The following WWOX variants were observed in gnomAD, a reference collection of about 807,000 sequenced individuals.
The protein encoded by WWOX is WW domain-containing oxidoreductase.
Under a neutral mutation model 46.2 loss-of-function variants are expected in WWOX, and 69 were observed. That is an observed-to-expected ratio of 1.49 (90% CI 1.23 to 1.82). WWOX has a LOEUF of 1.82. Among genes scored for constraint, WWOX ranks in the 40% most tolerant of loss-of-function variants. WWOX has a pLI of 0.00. For missense variants in WWOX, 919 were observed against 542.6 expected (o/e 1.69, Z -6.89); for synonymous variants, 359 against 202.6 (o/e 1.77, Z -6.56).
chr16:78,582,667 A>G lies in WWOX; in HGVS notation c.1056+149915A>G, dbSNP rs567820556. On this transcript the variant is annotated intron_variant, in intron 8 of 8. Coordinates refer to ENST00000566780, the MANE Select transcript of WWOX (RefSeq NM_016373.4). ...CCGATACCTCTATCTCCGCTTAGTC[A>G]TTCCTGGTGGGTGACTGATGACCCC... 9.2e-5 allele frequency among the ~76,000 whole-genome samples: 14 copies of G among 152,300 alleles called. No individual in the cohort carries two copies. In the South Asian group the frequency reaches 2.9e-3, roughly 32 times the overall value.
intron 5 of WWOX, among the ~76,000 whole-genome samples, chr16:78,236,908 C>G (rs776309645): frequency 6.6e-6 from 1 of 151,902 alleles, no homozygotes; most frequent in Non-Finnish European, 1.5e-5. Flanking sequence ...AACCCTATCT[C>G]TACTAAAAAT....
intron 8 of WWOX, among the ~76,000 whole-genome samples, chr16:78,795,674 A>G (rs956598300): frequency 6.6e-6 from 1 of 152,142 alleles, no homozygotes; most frequent in Non-Finnish European, 1.5e-5. Flanking sequence ...ATTAACATAC[A>G]CAGTCAGCAT....
intron 4 of WWOX, among the ~76,000 whole-genome samples, chr16:78,121,835 G>A (rs949807744): frequency 6.6e-6 from 1 of 151,884 alleles, no homozygotes; most frequent in Non-Finnish European, 1.5e-5. Context: ...CTAATTTTAT[G>A]TTTTTAGTAG....
intron 8 of WWOX, among the ~76,000 whole-genome samples, chr16:78,536,921 T>C (rs957439962): frequency 2.2e-4 from 30 of 136,708 alleles, no homozygotes; most frequent in South Asian, 5.1e-4. Flanking sequence ...TTTTTTTTTT[T>C]CCTCCTTTTT....
intron 8 of WWOX, among the ~76,000 whole-genome samples, chr16:78,986,268 C>T (rs1337032458): frequency 7.9e-5 from 12 of 152,140 alleles, no homozygotes; most frequent in Admixed American, 3.9e-4. Flanking sequence ...ATCAGTTTTA[C>T]AAAGATGCCA....
intron 5 of WWOX, among the ~76,000 whole-genome samples, chr16:78,234,013 C>G (rs998868944): frequency 6.6e-6 from 1 of 152,266 alleles, no homozygotes; most frequent in African/African-American, 2.4e-5. Context: ...GTGTTCCTAA[C>G]ATTCTAAGCC....
intron 8 of WWOX, among the ~76,000 whole-genome samples, chr16:78,939,659 T>C (rs541245345): frequency 2.0e-5 from 3 of 152,374 alleles, no homozygotes; most frequent in East Asian, 3.9e-4. Context: ...TATTAAAAAT[T>C]ATCAAAAGGA....
intron 8 of WWOX, among the ~76,000 whole-genome samples, chr16:79,091,451 C>T (rs879730625): frequency 6.6e-6 from 1 of 152,106 alleles, no homozygotes; most frequent in African/African-American, 2.4e-5. Context: ...GGTGTTCATT[C>T]TACCCAATTT....
chr16:78,593,131 A>C (rs184379575), intron 8 of WWOX, among the ~76,000 whole-genome samples: 2 of 152,150 alleles, frequency 1.3e-5, no homozygotes, highest in Non-Finnish European at 2.9e-5. Context: ...GTGCCAAACC[A>C]GGTGTCATTG....
intron 8 of WWOX, among the ~76,000 whole-genome samples, chr16:79,193,026 G>A (rs1282760355): frequency 1.3e-5 from 2 of 152,222 alleles, no homozygotes; most frequent in Non-Finnish European, 2.9e-5. Flanking sequence ...AGAAGTTTGT[G>A]TCCATGGCTG....
intron 8 of WWOX, among the ~76,000 whole-genome samples, chr16:78,887,075 GTGGTGTGTGT>G (rs2044475385): frequency 4.8e-5 from 1 of 20,896 alleles, no homozygotes; most frequent in Non-Finnish European, 2.3e-4. Flanking sequence ...GTGTGTGTGT[GTGGTGTGTGT>G]GTGTGTGTGT....
intron 4 of WWOX, among the ~76,000 whole-genome samples, chr16:78,157,851 T>G (rs1294545323): frequency 6.6e-6 from 1 of 152,208 alleles, no homozygotes; most frequent in Non-Finnish European, 1.5e-5. Context: ...TGTGCTGGAT[T>G]TGGTAGGTCG....
At chr16:78,765,907 C>A (rs970559852) in intron 8 of WWOX, among the ~76,000 whole-genome samples, 3 of 152,162 alleles carry the variant, frequency 2.0e-5, no homozygotes, top group Non-Finnish European at 4.4e-5. Flanking sequence ...TACGTGGCTT[C>A]CATGCCCATT....
At chr16:78,841,506 A>G (rs1368552829) in intron 8 of WWOX, among the ~76,000 whole-genome samples, 2 of 152,208 alleles carry the variant, frequency 1.3e-5, no homozygotes, top group Non-Finnish European at 2.9e-5. Context: ...ACTAATAAGG[A>G]TGATTGTTTT....
At chr16:78,917,028 G>T (rs902099661) in intron 8 of WWOX, among the ~76,000 whole-genome samples, 3 of 151,942 alleles carry the variant, frequency 2.0e-5, no homozygotes, top group African/African-American at 7.3e-5. Context: ...TCACTCCTTG[G>T]GTCTTATGAC....
intron 8 of WWOX, among the ~76,000 whole-genome samples, chr16:78,977,188 A>G (rs951946081): frequency 2.6e-5 from 4 of 152,150 alleles, no homozygotes; most frequent in Non-Finnish European, 5.9e-5. Flanking sequence ...TTTGTTTTGA[A>G]CCACTTATTT....
intron 8 of WWOX, among the ~76,000 whole-genome samples, chr16:78,824,141 C>A (rs367745986): frequency 6.6e-6 from 1 of 151,954 alleles, no homozygotes; most frequent in African/African-American, 2.4e-5. Flanking sequence ...TTTTAAAAAT[C>A]TATTTGATTT....
intron 8 of WWOX, among the ~76,000 whole-genome samples, chr16:78,694,087 C>G (rs539970639): frequency 2.0e-5 from 3 of 152,040 alleles, no homozygotes; most frequent in Non-Finnish European, 4.4e-5. Context: ...TAAAAATTAC[C>G]TAGGCGTGGT....
At chr16:78,794,374 T>C (rs754854142) in intron 8 of WWOX, among the ~76,000 whole-genome samples, 11 of 152,186 alleles carry the variant, frequency 7.2e-5, no homozygotes, top group Non-Finnish European at 1.3e-4. Flanking sequence ...AGCTGCCTTA[T>C]TTGTAACAAA....
Sources: allele counts gnomAD v4.1 joint callset (sites outside exome capture counted in the v4.1 genomes callset), GRCh38; gene constraint gnomAD v4.1.1; transcripts MANE v1.5; gene names NCBI Gene and HGNC (gene_info 2026-07-23, HGNC 2026-07-21).